Variants in ABCB1 observed in about 807,000 individuals in gnomAD.
The protein encoded by ABCB1 is ATP binding cassette subfamily B member 1.
In ABCB1, 69 loss-of-function variants were observed where a neutral mutation model predicts 142.0. The ratio of observed to expected loss-of-function variants is 0.49; its 90% CI spans 0.40 to 0.59. The LOEUF is 0.59. Ranked by LOEUF, ABCB1 falls within the 20% of genes least tolerant of loss-of-function variation. The probability of loss-of-function intolerance (pLI) is 0.00; values close to 1 mark genes in which losing one functional copy is unlikely to be tolerated. For missense variants in ABCB1, 1,326 were observed against 1,554.7 expected (o/e 0.85, Z 2.47); for synonymous variants, 532 against 539.2 (o/e 0.99, Z 0.18).
chr7:87,586,431 C>T (rs1009350175), intron 3 of ABCB1, among the ~76,000 whole-genome samples: 2 of 152,146 alleles, frequency 1.3e-5, no homozygotes, highest in African/African-American at 4.8e-5. Flanking sequence ...TTCCCTATAA[C>T]TCAAGGAACT....
chr7:87,582,942 G>T (rs1308277307), intron 4 of ABCB1, among the ~76,000 whole-genome samples: 1 of 152,100 alleles, frequency 6.6e-6, no homozygotes, highest in Non-Finnish European at 1.5e-5. Flanking sequence ...GAAAGGCATG[G>T]CTGGTAACCA....
chr7:87,694,100 GTTT>G, intron 1 of ABCB1: 20 of 1,175,770 alleles, frequency 1.7e-5, no homozygotes, highest in Admixed American at 3.3e-5. Context: ...GTGTGTTTTT[GTTT>G]TTTTTTTTTA....
In ABCB1 at chr7:87,654,463, C is replaced by G. The variant is rs570298533; in HGVS notation, c.-330-53385G>C. On this transcript the variant is annotated intron_variant, in intron 1 of 28. Coordinates refer to the ABCB1 transcript ENST00000265724. The stretch of plus-strand genomic sequence containing the variant: ...GTCTATTAATTTTCAACAGAAGTGC[C>G]AAAACACACACTAGGGAAAGGACAG... 4.6e-5 allele frequency among the ~76,000 whole-genome samples: 7 copies of G among 152,058 alleles called. No individual in the cohort carries two copies. In the South Asian group the frequency reaches 1.5e-3, roughly 32 times the overall value.
intron 1 of ABCB1, among the ~76,000 whole-genome samples, chr7:87,711,992 A>G (rs1235769492): frequency 6.6e-6 from 1 of 152,186 alleles, no homozygotes; most frequent in Non-Finnish European, 1.5e-5. Flanking sequence ...AGGGTTTGAC[A>G]TTCTGGATTT....
At chr7:87,576,305 T>G (rs1818272909) in intron 4 of ABCB1, among the ~76,000 whole-genome samples, 1 of 151,606 alleles carries the variant, frequency 6.6e-6, no homozygotes, top group Admixed American at 6.6e-5. Context: ...TTGTTTATCT[T>G]TATATATCCA....
intron 1 of ABCB1, among the ~76,000 whole-genome samples, chr7:87,656,420 A>C (rs1416050222): frequency 6.6e-6 from 1 of 152,112 alleles, no homozygotes; most frequent in Non-Finnish European, 1.5e-5. Context: ...GAGAAAGCTG[A>C]GGACTGGAAC....
intron 21 of ABCB1, among the ~76,000 whole-genome samples, chr7:87,526,853 T>A (rs1380959767): frequency 6.6e-6 from 1 of 152,148 alleles, no homozygotes; most frequent in African/African-American, 2.4e-5. Context: ...GCTTTACACA[T>A]AAGAGCATAT....
intron 1 of ABCB1, among the ~76,000 whole-genome samples, chr7:87,619,977 T>A (rs890038389): frequency 1.3e-5 from 2 of 152,184 alleles, no homozygotes; most frequent in East Asian, 3.8e-4. Context: ...TAAAGATTAC[T>A]TGTGGATTAC....
Position 87,668,460 on chromosome 7 carries a change from G to GT in ABCB1, c.-331+44700dup, listed in dbSNP as rs28746488. Among the ~76,000 whole-genome samples the GT allele has an allele frequency of 5.2e-3, 779 of 151,122 alleles. 6 individuals are homozygous for GT. The highest frequency in any genetic ancestry group is 0.017 in the African/African-American group (706 of 41,244). On this transcript the variant is annotated intron_variant, in intron 1 of 28. Transcript: ENST00000265724. ...CCTTGGATTAATTGATCTTTTGATT[G>GT]TTTTTTTTGTGTCTCAGTTTCCTTC...
upstream of ABCB1, among the ~76,000 whole-genome samples, chr7:87,605,256 C>T (rs1819607289): frequency 6.6e-6 from 1 of 152,160 alleles, no homozygotes; most frequent in Non-Finnish European, 1.5e-5. Flanking sequence ...GCCTCAGCCT[C>T]CTGAGTAGCT....
chr7:87,655,810 G>A (rs1034549980), intron 1 of ABCB1, among the ~76,000 whole-genome samples: 1 of 152,116 alleles, frequency 6.6e-6, no homozygotes, highest in Non-Finnish European at 1.5e-5. Flanking sequence ...ACAGTGCTGG[G>A]AAGTGGGGCT....
chr7:87,578,042 C>G (rs1277370526), intron 4 of ABCB1, among the ~76,000 whole-genome samples: 2 of 152,082 alleles, frequency 1.3e-5, no homozygotes, highest in African/African-American at 4.8e-5. Context: ...TTAGTAGTTT[C>G]ATAGTTTCAG....
At chr7:87,673,123 C>T (rs1218237352) in intron 1 of ABCB1, among the ~76,000 whole-genome samples, 1 of 152,112 alleles carries the variant, frequency 6.6e-6, no homozygotes, top group Non-Finnish European at 1.5e-5. Flanking sequence ...GGTGACCTTC[C>T]CCTTTTGTTT....
At chr7:87,581,252 C>CAGCT (rs2129902646) in intron 4 of ABCB1, among the ~76,000 whole-genome samples, 1 of 152,214 alleles carries the variant, frequency 6.6e-6, no homozygotes, top group Non-Finnish European at 1.5e-5. Context: ...CCACCACACC[C>CAGCT]AGCTTCTAGT....
Position 87,626,125 on chromosome 7 carries a change from T to C in ABCB1, c.-330-25047A>G, listed in dbSNP as rs557027285. ...TGTCATATATATGTGTCATATATAT[T>C]GTCATATATATGTGTCATATATATT... On this transcript the variant is annotated intron_variant, in intron 1 of 28. Transcript: ENST00000265724. Among the ~76,000 whole-genome samples the C allele has an allele frequency of 2.6e-4, 31 of 120,262 alleles. 4 individuals carry two copies. The highest frequency in any genetic ancestry group is 9.5e-4 in the African/African-American group (28 of 29,488). The allele number at this position is 120,262 out of a possible 152,430, so 78.9% of individuals were successfully genotyped here.
intron 1 of ABCB1, among the ~76,000 whole-genome samples, chr7:87,660,198 C>T (rs1176954420): frequency 1.3e-5 from 2 of 151,964 alleles, no homozygotes; most frequent in African/African-American, 2.4e-5. Context: ...GTAGCAGTTA[C>T]CAGTAAAAAC....
At chr7:87,700,462 T>C in intron 1 of ABCB1, 1 of 1,613,178 alleles carries the variant, frequency 6.2e-7, no homozygotes, top group Non-Finnish European at 8.5e-7. Context: ...TCGTAGCTTC[T>C]GGGACTATAT....
Position 87,550,770 on chromosome 7 carries a change from T to G in ABCB1, c.1068A>C (p.Ala356=), listed in dbSNP as rs756008595. The change falls in exon 10 of 28, where the codon GCA becomes GCC. Residue 356 remains alanine, a synonymous_variant. Transcript: ENST00000622132. ...GQASPSIEAF[A]NARGAAYEIF... Reference sequence around the variant, plus strand: ...TTTCATAAGCTGCTCCTCTTGCATTTGCAAATGCTTCAATGCTTGGAGATG... The same window carrying G: ...TTTCATAAGCTGCTCCTCTTGCATTGGCAAATGCTTCAATGCTTGGAGATG... The G allele has an allele frequency of 6.2e-7, 1 of 1,614,050 alleles. No homozygotes were observed. The highest frequency in any genetic ancestry group is 8.5e-7 in the Non-Finnish European group (1 of 1,179,920).
intron 14 of ABCB1, among the ~76,000 whole-genome samples, chr7:87,546,872 A>G (rs968291525): frequency 3.9e-5 from 6 of 152,204 alleles, no homozygotes; most frequent in Non-Finnish European, 8.8e-5. Flanking sequence ...CAATTTATTC[A>G]TATGTAAAAT....
Sources: gnomAD v4.1 joint callset for allele counts (sites outside exome capture counted in the v4.1 genomes callset) on GRCh38, gnomAD v4.1.1 for gene constraint, MANE v1.5 for transcripts, NCBI Gene and HGNC (gene_info 2026-07-23, HGNC 2026-07-21) for gene names.